CSMD3: variants seen among roughly 807,000 people sequenced by gnomAD.
The protein encoded by CSMD3 is CUB and sushi domain-containing protein 3.
In CSMD3, 177 loss-of-function variants were observed where a neutral mutation model predicts 435.2. The observed-to-expected ratio is 0.41, with a 90% CI of 0.36 to 0.46. CSMD3 has a LOEUF of 0.46. CSMD3 is among the 20% of genes least tolerant of loss of function. CSMD3 has a pLI of 0.34. For synonymous variants in CSMD3, 1,656 were observed against 1,520.5 expected (o/e 1.09, Z -2.07); for missense variants, 4,265 against 4,504.6 (o/e 0.95, Z 1.52).
chr8:113,379,272 A>G (rs1302428767), intron 1 of CSMD3, among the ~76,000 whole-genome samples: 2 of 152,156 alleles, frequency 1.3e-5, no homozygotes, highest in African/African-American at 4.8e-5. Flanking sequence ...CTTGCTAAAA[A>G]GGGATTTTTC....
At chr8:112,554,832 T>C (rs1827978090) in intron 25 of CSMD3, among the ~76,000 whole-genome samples, 1 of 151,964 alleles carries the variant, frequency 6.6e-6, no homozygotes, top group Admixed American at 6.6e-5. Flanking sequence ...GATTCAGAAA[T>C]ATAATTACCT....
At chr8:113,092,778 T>C (rs1389471119) in intron 5 of CSMD3, among the ~76,000 whole-genome samples, 3 of 151,988 alleles carry the variant, frequency 2.0e-5, no homozygotes, top group Non-Finnish European at 4.4e-5. Flanking sequence ...TGATACTAGG[T>C]GGTGGTGGTG....
intron 2 of CSMD3, among the ~76,000 whole-genome samples, chr8:113,305,314 AT>A (rs1282673280): frequency 4.6e-5 from 7 of 152,094 alleles, no homozygotes; most frequent in African/African-American, 7.2e-5. Flanking sequence ...TAATAAATAA[AT>A]TTTTAAAAAA....
intron 17 of CSMD3, among the ~76,000 whole-genome samples, chr8:112,662,583 T>G (rs2075413210): frequency 6.6e-6 from 1 of 152,126 alleles, no homozygotes; most frequent in South Asian, 2.1e-4. Flanking sequence ...GAAGAAAACC[T>G]AGGCAATACC....
chr8:113,420,786 A>G (rs181327129), intron 1 of CSMD3, among the ~76,000 whole-genome samples: 459 of 152,094 alleles, frequency 3.0e-3, no homozygotes, highest in Non-Finnish European at 4.8e-3. Context: ...CATCTCTACT[A>G]AAAAATAAAA....
At chr8:112,820,338 G>C (rs1004443872) in intron 12 of CSMD3, among the ~76,000 whole-genome samples, 4 of 152,106 alleles carry the variant, frequency 2.6e-5, no homozygotes, top group Non-Finnish European at 5.9e-5. Flanking sequence ...GATTAAGAAA[G>C]AGGTCAATTG....
At chr8:112,418,280 G>C (rs572594393) in intron 32 of CSMD3, among the ~76,000 whole-genome samples, 61 of 152,144 alleles carry the variant, frequency 4.0e-4, no homozygotes, top group African/African-American at 1.4e-3. Context: ...TATACTTTAA[G>C]TTTTAGGGTA....
chr8:112,281,469 A>T, intron 58 of CSMD3, 119 bp from the exon 59 acceptor site: 1 of 790,884 alleles, frequency 1.3e-6, no homozygotes, highest in Non-Finnish European at 2.1e-6. Flanking sequence ...AACTTCTAAA[A>T]TAAGTAGTAA....
chr8:112,955,557 T>C (rs970823120), intron 7 of CSMD3, among the ~76,000 whole-genome samples: 1 of 151,842 alleles, frequency 6.6e-6, no homozygotes, highest in Non-Finnish European at 1.5e-5. Context: ...AAATATAAGA[T>C]ACTGTTAAAT....
intron 23 of CSMD3, among the ~76,000 whole-genome samples, chr8:112,578,940 A>G (rs1306224714): frequency 6.6e-6 from 1 of 152,054 alleles, no homozygotes; most frequent in Non-Finnish European, 1.5e-5. Context: ...AATAGTAATA[A>G]AATATACAAT....
intron 63 of CSMD3, among the ~76,000 whole-genome samples, chr8:112,252,679 G>GTATATATATA (rs10542301): frequency 7.1e-5 from 10 of 141,438 alleles, no homozygotes; most frequent in South Asian, 4.5e-4. Context: ...ATGTGTGTGT[G>GTATATATATA]TATATATATA....
chr8:112,503,710 A>G (rs1822214607), intron 30 of CSMD3, 80 bp downstream of exon 30: 1 of 975,234 alleles, frequency 1.0e-6, no homozygotes, highest in Non-Finnish European at 1.6e-6. Context: ...ACCACTAACA[A>G]TGGGCCATAC....
chr8:112,942,205 G>A (rs569161649), intron 9 of CSMD3, among the ~76,000 whole-genome samples: 90 of 143,782 alleles, frequency 6.3e-4, no homozygotes, highest in Middle Eastern at 7.1e-3. Context: ...TTACCTAGGA[G>A]TGTAATTGTT....
At chr8:112,241,624 T>G in intron 66 of CSMD3, 96 bp downstream of exon 66, 2 of 831,168 alleles carry the variant, frequency 2.4e-6, no homozygotes, top group Admixed American at 3.9e-5. Context: ...TTTTTATACT[T>G]AAATATATTT....
At chr8:112,737,131 A>G (rs1485105399) in intron 13 of CSMD3, among the ~76,000 whole-genome samples, 1 of 152,036 alleles carries the variant, frequency 6.6e-6, no homozygotes, top group East Asian at 1.9e-4. Flanking sequence ...AAGCCATCAG[A>G]TGGCTTTCTG....
intron 28 of CSMD3, among the ~76,000 whole-genome samples, chr8:112,509,269 T>C (rs1822849028): frequency 6.6e-6 from 1 of 152,086 alleles, no homozygotes; most frequent in African/African-American, 2.4e-5. Flanking sequence ...TTTGTATTTT[T>C]GGAGAGACAG....
At chr8:112,323,300 T>A (rs557200515) in intron 45 of CSMD3, among the ~76,000 whole-genome samples, 1 of 152,202 alleles carries the variant, frequency 6.6e-6, no homozygotes, top group South Asian at 2.1e-4. Flanking sequence ...TTCTTTAACA[T>A]AACTCTATGA....
chr8:113,155,407 T>C (rs955442727), intron 4 of CSMD3, among the ~76,000 whole-genome samples: 1 of 152,068 alleles, frequency 6.6e-6, no homozygotes, highest in Non-Finnish European at 1.5e-5. Flanking sequence ...TGGCCTTTAT[T>C]TTTGTATTTG....
At chr8:112,585,736 A>G (rs1830674571) in intron 23 of CSMD3, among the ~76,000 whole-genome samples, 1 of 151,628 alleles carries the variant, frequency 6.6e-6, no homozygotes, top group African/African-American at 2.4e-5. Flanking sequence ...ATGCATGTTT[A>G]TTATTGTTGC....
Sources: allele counts gnomAD v4.1 joint callset (sites outside exome capture counted in the v4.1 genomes callset), GRCh38; gene constraint gnomAD v4.1.1; transcripts MANE v1.5; gene names NCBI Gene and HGNC (gene_info 2026-07-23, HGNC 2026-07-21).